Variants in RB1 observed in about 807,000 individuals in gnomAD.
RB1 encodes the protein RB transcriptional corepressor 1.
Under a neutral mutation model 135.4 loss-of-function variants are expected in RB1, and 18 were observed. That is an observed-to-expected ratio of 0.13 (90% CI 0.09 to 0.20). RB1 has a LOEUF of 0.20. Ranked by LOEUF, RB1 falls within the 10% of genes least tolerant of loss-of-function variation. RB1 has a pLI of 1.00. For synonymous variants in RB1, 365 were observed against 373.2 expected (o/e 0.98, Z 0.25); for missense variants, 868 against 1,110.0 (o/e 0.78, Z 3.10).
chr13:48,392,681 C>A (rs2138162496), intron 17 of RB1, among the ~76,000 whole-genome samples: 1 of 152,016 alleles, frequency 6.6e-6, no homozygotes, highest in Non-Finnish European at 1.5e-5. Flanking sequence ...GGTATTATAA[C>A]TTTTTAAATG....
chr13:48,459,631 A>G, intron 19 of RB1, 57 bp from the exon 20 acceptor site: 4 of 1,583,404 alleles, frequency 2.5e-6, no homozygotes, highest in Non-Finnish European at 2.6e-6. Context: ...TTTGAAAAAA[A>G]TCTACTTGTA....
chr13:48,429,589 TAAAA>T (rs940272015), intron 17 of RB1: 1 of 145,482 alleles, frequency 6.9e-6, no homozygotes, highest in Non-Finnish European at 1.5e-5. Flanking sequence ...AACTTAGAAC[TAAAA>T]AAAAAACAAA....
At chr13:48,318,208 C>A (rs2854349) in intron 2 of RB1, 2 of 603,734 alleles carry the variant, frequency 3.3e-6, no homozygotes, top group Non-Finnish European at 5.8e-6. Flanking sequence ...GGACCCTCGC[C>A]GCTGTCTCTC....
At chr13:48,324,710 C>A (rs1052116433) in intron 2 of RB1, among the ~76,000 whole-genome samples, 1 of 152,030 alleles carries the variant, frequency 6.6e-6, no homozygotes, top group Non-Finnish European at 1.5e-5. Flanking sequence ...GTTTTTATTT[C>A]TTTTGGATAT....
In RB1 at chr13:48,371,633, C is replaced by T. The variant is rs184834159; in HGVS notation, c.1128-1772C>T. Among the ~76,000 whole-genome samples the T allele has an allele frequency of 3.2e-3, 479 of 151,778 alleles. 4 individuals carry two copies. Among genetic ancestry groups the T allele is most frequent in the Admixed American group, 7.0e-3 (106 of 15,232 alleles). ...ATCTAGTAAGCAGTAGGATAGCCTT[C>T]TATAGATTTGGGAATCATCAGGGGA... On this transcript the variant is annotated intron_variant, in intron 11 of 26. Transcript: ENST00000267163.
chr13:48,425,944 C>T (rs746269773), intron 17 of RB1, among the ~76,000 whole-genome samples: 1 of 152,142 alleles, frequency 6.6e-6, no homozygotes. Flanking sequence ...TGGAGAATGA[C>T]GAAGTCAAAA....
At chr13:48,345,604 T>C (rs974620411) in intron 4 of RB1, among the ~76,000 whole-genome samples, 4 of 152,154 alleles carry the variant, frequency 2.6e-5, no homozygotes, top group Non-Finnish European at 5.9e-5. Context: ...AAAGTAATGA[T>C]TTGTACTCCC....
At chr13:48,412,515 T>G (rs1948834388) in intron 17 of RB1, 12 of 835,790 alleles carry the variant, frequency 1.4e-5, no homozygotes, top group Non-Finnish European at 2.3e-5. Context: ...AACCTCCAAT[T>G]TATTTGCAAA....
intron 17 of RB1, among the ~76,000 whole-genome samples, chr13:48,417,763 G>A (rs556230701): frequency 2.4e-4 from 36 of 152,104 alleles, no homozygotes; most frequent in Non-Finnish European, 4.4e-4. Context: ...AGCCAAAGCA[G>A]AAGAAAGGAT....
At chr13:48,403,155 CTA>C in intron 17 of RB1, among the ~76,000 whole-genome samples, 1 of 152,228 alleles carries the variant, frequency 6.6e-6, no homozygotes, top group Non-Finnish European at 1.5e-5. Flanking sequence ...TGTAAAAACA[CTA>C]TTTTTTAGCA....
In RB1 at chr13:48,367,873, G is replaced by A. The variant is rs4151502; in HGVS notation, c.1049+270G>A. Among the ~76,000 whole-genome samples, 5,062 of 152,136 alleles carry A rather than the reference G, an allele frequency of 0.033. 287 individuals are homozygous for A. The highest frequency in any genetic ancestry group is 0.12 in the African/African-American group (4,785 of 41,512). ...TTAAAATGTGCACCAAAAGATAATGGCTAAAGTAATTAGTTTCTTCAAATA... is the reference window on the plus strand; with the variant it reads ...TTAAAATGTGCACCAAAAGATAATGACTAAAGTAATTAGTTTCTTCAAATA... On this transcript the variant is annotated intron_variant, in intron 10 of 26. Coordinates refer to ENST00000267163, the MANE Select transcript of RB1 (RefSeq NM_000321.3).
intron 26 of RB1, 151 bp downstream of exon 26, chr13:48,477,555 A>C (rs1949511850): frequency 7.1e-6 from 5 of 700,664 alleles, no homozygotes; most frequent in Non-Finnish European, 1.2e-5. Context: ...ATTTATCTAC[A>C]AACATTTGTG....
chr13:48,389,846 G>A (rs1171605679), intron 17 of RB1: 1 of 152,274 alleles, frequency 6.6e-6, no homozygotes, highest in Admixed American at 6.5e-5. Context: ...CATAGTGAAA[G>A]TAGAGGTTTT....
intron 26 of RB1, among the ~76,000 whole-genome samples, chr13:48,479,630 TG>T (rs1163976657): frequency 1.8e-4 from 27 of 152,086 alleles, no homozygotes; most frequent in Non-Finnish European, 8.8e-5. Flanking sequence ...TGGAGACCAC[TG>T]TTTTTTTGGG....
intron 2 of RB1, chr13:48,328,244 C>T (rs1477801296): frequency 6.8e-7 from 1 of 1,468,870 alleles, no homozygotes; most frequent in Non-Finnish European, 9.5e-7. Flanking sequence ...CTTCTGGAGG[C>T]CTTTCCTCTG....
chr13:48,308,732 A>C (rs532687811), intron 2 of RB1, among the ~76,000 whole-genome samples: 1 of 152,292 alleles, frequency 6.6e-6, no homozygotes, highest in African/African-American at 2.4e-5. Context: ...TGAAATATAA[A>C]ATCTTTTTTT....
rs2138358973 is a variant in RB1 at position 48,476,719 on chromosome 13, A to G, written c.2539A>G (p.Lys847Glu). ...ESFGTSEKFQ[K>E]INQMVCNSDR... ...TTTGTAGACTTCTGAGAAGTTCCAG[A>G]AAATAAATCAGATGGTATGTAACAG... The change falls in exon 25 of 27, where the codon AAA (lysine) becomes GAA (glutamate). Residue 847 changes from lysine (K) to glutamate (E), a missense_variant. Lys to Glu is a moderately conservative substitution (Grantham distance 56, BLOSUM62 1). Coordinates refer to ENST00000267163, the MANE Select transcript of RB1 (RefSeq NM_000321.3). The G allele has an allele frequency of 1.2e-6, 2 of 1,613,428 alleles. No individual in the cohort carries two copies.
chr13:48,364,925 C>G lies in RB1; in HGVS notation c.893C>G (p.Pro298Arg). 6.4e-7 allele frequency: 1 copy of G among 1,565,858 alleles called. No homozygotes were observed. Among genetic ancestry groups the G allele is most frequent in the Non-Finnish European group, 8.7e-7 (1 of 1,151,548 alleles). The change falls in exon 9 of 27, where the codon CCT becomes CGT. Residue 298 changes from proline to arginine, a missense_variant. This residue lies in a region of RB1 where 641 missense variants were observed against 791.3 expected (regional missense o/e 0.81). Coordinates refer to ENST00000267163, the MANE Select transcript of RB1 (RefSeq NM_000321.3). ...AATGTTTATTTCAAAAATTTTATACCTTTTATGAATTCTCTTGGACTTGTA... is the reference window on the plus strand; with the variant it reads ...AATGTTTATTTCAAAAATTTTATACGTTTTATGAATTCTCTTGGACTTGTA... ...VKNVYFKNFIPFMNSLGLVTS... is the reference protein window; with the variant it reads ...VKNVYFKNFIRFMNSLGLVTS...
intron 4 of RB1, among the ~76,000 whole-genome samples, chr13:48,347,396 TC>T (rs889858380): frequency 6.6e-6 from 1 of 152,118 alleles, no homozygotes; most frequent in Non-Finnish European, 1.5e-5. Flanking sequence ...TTGGTAGTAA[TC>T]TTGGGCTTTG....
Sources: allele counts gnomAD v4.1 joint callset (sites outside exome capture counted in the v4.1 genomes callset), GRCh38; gene constraint gnomAD v4.1.1; regional missense constraint gnomAD v4.1.1; transcripts MANE v1.5; gene names NCBI Gene and HGNC (gene_info 2026-07-23, HGNC 2026-07-21).